Variants in MAPK10 observed in about 807,000 individuals in gnomAD.
The protein encoded by MAPK10 is mitogen-activated protein kinase 10, also known as JNK3 alpha protein kinase.
Under a neutral mutation model 59.3 loss-of-function variants are expected in MAPK10, and 25 were observed. That is an observed-to-expected ratio of 0.42 (90% CI 0.31 to 0.59). MAPK10 has a LOEUF of 0.59. MAPK10 is among the 20% of genes least tolerant of loss of function. The pLI is 0.15. For missense variants in MAPK10, 351 were observed against 568.9 expected (o/e 0.62, Z 3.90); for synonymous variants, 190 against 200.5 (o/e 0.95, Z 0.44).
rs527632308 is a variant in MAPK10, at chr4:86,282,833, T to C, written c.-7+71697A>G. ...ATGGAAGTCCCCTTGTTTCCCTATG[T>C]CTATGGAATCAAAGTCTAGGCACAT... On this transcript the variant is annotated intron_variant, in intron 2 of 13. Coordinates refer to ENST00000641462, the MANE Select transcript of MAPK10 (RefSeq NM_138982.4). Among the ~76,000 whole-genome samples, 4 of 152,298 alleles carry C rather than the reference T, an allele frequency of 2.6e-5. No individual in the cohort carries two copies. The South Asian group carries it at 6.2e-4, about 24-fold the overall frequency.
intron 4 of MAPK10, among the ~76,000 whole-genome samples, chr4:86,135,723 A>ACGAT (rs1164173250): frequency 6.6e-6 from 1 of 150,848 alleles, no homozygotes; most frequent in Non-Finnish European, 1.5e-5. Context: ...AAGGCTTCAG[A>ACGAT]CGATCAAATT....
chr4:86,100,910 A>G, intron 8 of MAPK10, 142 bp downstream of exon 8: 1 of 636,086 alleles, frequency 1.6e-6, no homozygotes, highest in Non-Finnish European at 2.6e-6. Flanking sequence ...TACCAGTAGT[A>G]TTAAAAAAAA....
chr4:86,459,501 A>C (rs1447065869), intron 1 of MAPK10, among the ~76,000 whole-genome samples: 1 of 152,240 alleles, frequency 6.6e-6, no homozygotes, highest in Non-Finnish European at 1.5e-5. Flanking sequence ...GAACCAACCC[A>C]AATGCCCATC....
chr4:86,135,556 C>A (rs2061859057), intron 4 of MAPK10, among the ~76,000 whole-genome samples: 1 of 152,092 alleles, frequency 6.6e-6, no homozygotes, highest in Non-Finnish European at 1.5e-5. Flanking sequence ...TCATCAAAGA[C>A]CAAAAGTAGA....
chr4:86,165,513 A>G (rs1285336972), intron 3 of MAPK10, among the ~76,000 whole-genome samples: 2 of 135,574 alleles, frequency 1.5e-5, no homozygotes, highest in Non-Finnish European at 3.1e-5. Flanking sequence ...GATAGCTGAT[A>G]CTATAGGCAC....
chr4:86,567,376 A>G (rs969192639), intron 1 of MAPK10, among the ~76,000 whole-genome samples: 4 of 151,952 alleles, frequency 2.6e-5, no homozygotes, highest in Middle Eastern at 3.2e-3. Context: ...ATGCACCACC[A>G]CGCTTGGCTA....
chr4:86,091,655 A>G (rs1411971139), intron 9 of MAPK10, among the ~76,000 whole-genome samples: 1 of 146,144 alleles, frequency 6.8e-6, no homozygotes, highest in Non-Finnish European at 1.5e-5. Context: ...CTTTAGCACC[A>G]GTTGGTTCTA....
chr4:86,503,435 C>A (rs1755476727), intron 1 of MAPK10, among the ~76,000 whole-genome samples: 1 of 152,114 alleles, frequency 6.6e-6, no homozygotes, highest in East Asian at 1.9e-4. Flanking sequence ...TGGGTACCAA[C>A]TGATAAATTT....
At chr4:86,444,811 A>T (rs927998264) in intron 1 of MAPK10, among the ~76,000 whole-genome samples, 6 of 152,054 alleles carry the variant, frequency 3.9e-5, no homozygotes, top group Non-Finnish European at 5.9e-5. Context: ...ACAAATATAT[A>T]AAAAAAGAGC....
At chr4:86,458,807 G>A (rs1360490276) in intron 1 of MAPK10, among the ~76,000 whole-genome samples, 1 of 152,146 alleles carries the variant, frequency 6.6e-6, no homozygotes, top group African/African-American at 2.4e-5. Flanking sequence ...CCTGAAACTA[G>A]AAATTCTAGA....
At chr4:86,139,982 G>C (rs1424337827) in intron 4 of MAPK10, among the ~76,000 whole-genome samples, 1 of 142,280 alleles carries the variant, frequency 7.0e-6, no homozygotes, top group Non-Finnish European at 1.5e-5. Context: ...ACCACAATGA[G>C]ATACCATCTC....
intron 4 of MAPK10, among the ~76,000 whole-genome samples, chr4:86,110,235 TC>T (rs1455649826): frequency 5.9e-5 from 9 of 152,204 alleles, no homozygotes; most frequent in African/African-American, 2.2e-4. Context: ...TTTAATTAGA[TC>T]CCATTTGTCC....
chr4:86,392,721 A>G (rs1169525887), intron 1 of MAPK10, among the ~76,000 whole-genome samples: 2 of 152,216 alleles, frequency 1.3e-5, no homozygotes, highest in African/African-American at 2.4e-5. Flanking sequence ...TACTTGCTGA[A>G]TGACTGAAAA....
At chr4:86,429,925 T>A (rs1315894492) in intron 1 of MAPK10, 1 of 152,190 alleles carries the variant, frequency 6.6e-6, no homozygotes, top group African/African-American at 2.4e-5. Context: ...CATTAAAATC[T>A]GTGATTCTCT....
At chr4:86,465,977 T>C (rs1482972560) in intron 1 of MAPK10, among the ~76,000 whole-genome samples, 2 of 152,210 alleles carry the variant, frequency 1.3e-5, no homozygotes, top group Non-Finnish European at 2.9e-5. Context: ...GTGATCACCA[T>C]TGCCATGAGT....
intron 1 of MAPK10, among the ~76,000 whole-genome samples, chr4:86,385,797 G>A (rs1269775446): frequency 1.3e-5 from 2 of 152,172 alleles, no homozygotes; most frequent in Middle Eastern, 3.2e-3. Flanking sequence ...TCTCTATGAT[G>A]TCAGGCTGAA....
intron 4 of MAPK10, among the ~76,000 whole-genome samples, chr4:86,126,934 C>T (rs1022841200): frequency 6.6e-6 from 1 of 151,996 alleles, no homozygotes; most frequent in Non-Finnish European, 1.5e-5. Context: ...AATTGAACCA[C>T]TTCACTCTAA....
chr4:86,170,471 C>T (rs1009271552), intron 3 of MAPK10, among the ~76,000 whole-genome samples: 5 of 152,048 alleles, frequency 3.3e-5, no homozygotes, highest in African/African-American at 7.2e-5. Context: ...TCAAAAGAGA[C>T]GAAGAAGGCC....
rs150078384 is a variant in MAPK10, at chr4:86,330,415, T to C, written c.-7+24115A>G. 5.3e-5 allele frequency among the ~76,000 whole-genome samples: 8 copies of C among 152,296 alleles called. No homozygotes were observed. In the East Asian group the frequency reaches 1.2e-3, roughly 22 times the overall value. ...ACTAAGATAAACTATATGGATGATA[T>C]GGTTTGTCTGTGTCTTCACCCAAAT... On this transcript the variant is annotated intron_variant, in intron 2 of 13. Coordinates refer to ENST00000641462, the MANE Select transcript of MAPK10 (RefSeq NM_138982.4).
Sources: gnomAD v4.1 joint callset for allele counts (sites outside exome capture counted in the v4.1 genomes callset) on GRCh38, gnomAD v4.1.1 for gene constraint, MANE v1.5 for transcripts, NCBI Gene and HGNC (gene_info 2026-07-23, HGNC 2026-07-21) for gene names.